The following TEAD1 variants were observed in gnomAD, a reference collection of about 807,000 sequenced individuals.
TEAD1 encodes TEA domain transcription factor 1.
Under a neutral mutation model 54.9 loss-of-function variants are expected in TEAD1, and 9 were observed. The ratio of observed to expected loss-of-function variants is 0.16; its 90% CI spans 0.10 to 0.29. The LOEUF is 0.29. Among genes scored for constraint, TEAD1 ranks in the 10% least tolerant of loss-of-function variants. The probability of loss-of-function intolerance (pLI) is 1.00; values close to 1 mark genes in which losing one functional copy is unlikely to be tolerated. For synonymous variants in TEAD1, 200 were observed against 187.8 expected, an observed-to-expected ratio of 1.07 and a Z score of -0.53; for missense variants, 387 against 535.9, an observed-to-expected ratio of 0.72 and a Z score of 2.74.
At position 12,941,581 on chromosome 11, in the gene TEAD1, C is replaced by T. The variant is rs1015340644; in HGVS notation, c.*4359C>T. ...GTATAATTTTGTATATGCTCTGGTA[C>T]ACTACCTGAACTAACGAAGGGTAGA... On this transcript the variant is annotated 3_prime_UTR_variant, in exon 13 of 13. Coordinates refer to ENST00000527636, the MANE Select transcript of TEAD1 (RefSeq NM_021961.6). 3 of 152,746 alleles carry T rather than the reference C, an allele frequency of 2.0e-5. No homozygotes were observed. In the South Asian group the frequency reaches 6.2e-4, roughly 32 times the overall value. The allele number at this position is 152,746 out of a possible 1,614,324, so 9.5% of individuals were successfully genotyped here.
At chr11:12,935,003 T>C (rs1949073713) in intron 12 of TEAD1, among the ~76,000 whole-genome samples, 1 of 152,092 alleles carries the variant, frequency 6.6e-6, no homozygotes, top group African/African-American at 2.4e-5. Context: ...TTACTAAGAA[T>C]AGGGGTATCC....
At chr11:12,901,791 C>T in intron 9 of TEAD1, 149 bp from the exon 10 acceptor site, 3 of 873,940 alleles carry the variant, frequency 3.4e-6, no homozygotes, top group Non-Finnish European at 5.7e-6. Flanking sequence ...CTTTTCTAAA[C>T]ATACTCATCA....
At chr11:12,691,771 G>A (rs1943462534) in intron 2 of TEAD1, among the ~76,000 whole-genome samples, 1 of 152,080 alleles carries the variant, frequency 6.6e-6, no homozygotes, top group African/African-American at 2.4e-5. Flanking sequence ...TACATAACCA[G>A]GACATGAGAG....
intron 2 of TEAD1, among the ~76,000 whole-genome samples, chr11:12,735,496 C>T (rs916364493): frequency 1.3e-5 from 2 of 152,078 alleles, no homozygotes; most frequent in African/African-American, 2.4e-5. Flanking sequence ...GTGTCATGCT[C>T]CCTACCAAAC....
chr11:12,877,125 C>T (rs929344992), intron 5 of TEAD1, among the ~76,000 whole-genome samples: 4 of 152,142 alleles, frequency 2.6e-5, no homozygotes, highest in Non-Finnish European at 4.4e-5. Flanking sequence ...AGCCCCAAGT[C>T]GAAGAACTGC....
At chr11:12,908,910 T>G in intron 10 of TEAD1, among the ~76,000 whole-genome samples, 1 of 143,326 alleles carries the variant, frequency 7.0e-6, no homozygotes, top group Admixed American at 7.0e-5. Context: ...ACAGTGTTGC[T>G]CTGCTGCCCA....
intron 2 of TEAD1, among the ~76,000 whole-genome samples, chr11:12,730,944 C>T (rs1340174845): frequency 1.3e-5 from 2 of 151,876 alleles, no homozygotes; most frequent in Non-Finnish European, 2.9e-5. Flanking sequence ...TCAAGTGATC[C>T]GCCCGCCTCG....
chr11:12,838,780 C>T (rs1019427830), intron 3 of TEAD1, among the ~76,000 whole-genome samples: 1 of 152,150 alleles, frequency 6.6e-6, no homozygotes, highest in Admixed American at 6.5e-5. Context: ...ATTTCTGATT[C>T]TCTAATATTA....
chr11:12,936,386 C>T (rs755269627), intron 12 of TEAD1, among the ~76,000 whole-genome samples: 1 of 152,156 alleles, frequency 6.6e-6, no homozygotes, highest in Non-Finnish European at 1.5e-5. Context: ...GAATGTCATT[C>T]CACAGGATTC....
chr11:12,816,960 GT>G (rs551179618), intron 3 of TEAD1, among the ~76,000 whole-genome samples: 177 of 152,276 alleles, frequency 1.2e-3, no homozygotes, highest in African/African-American at 3.9e-3. Flanking sequence ...TTGGAATAGT[GT>G]TTCTTTCCAT....
chr11:12,881,404 CA>C (rs751523425), intron 7 of TEAD1, among the ~76,000 whole-genome samples: 1 of 152,186 alleles, frequency 6.6e-6, no homozygotes, highest in Non-Finnish European at 1.5e-5. Context: ...TCATTCTAGC[CA>C]GCCCTGTAGT....
intron 2 of TEAD1, among the ~76,000 whole-genome samples, chr11:12,680,220 TA>T (rs1943188437): frequency 6.6e-6 from 1 of 152,220 alleles, no homozygotes; most frequent in South Asian, 2.1e-4. Flanking sequence ...CTGTATCCCT[TA>T]ATTTTTCTTT....
At chr11:12,801,726 T>C (rs1211777359) in intron 3 of TEAD1, among the ~76,000 whole-genome samples, 1 of 152,238 alleles carries the variant, frequency 6.6e-6, no homozygotes, top group Non-Finnish European at 1.5e-5. Flanking sequence ...TTTATGTGCA[T>C]TGTCGCCACA....
At chr11:12,705,499 C>G (rs969618671) in intron 2 of TEAD1, among the ~76,000 whole-genome samples, 13 of 152,102 alleles carry the variant, frequency 8.5e-5, no homozygotes, top group African/African-American at 3.1e-4. Flanking sequence ...GCACCTGTCA[C>G]CATTCTGCTT....
chr11:12,682,890 A>G (rs1000517976), intron 2 of TEAD1, among the ~76,000 whole-genome samples: 1 of 152,214 alleles, frequency 6.6e-6, no homozygotes, highest in Non-Finnish European at 1.5e-5. Flanking sequence ...CATTTTTAAC[A>G]TGCTTGAACA....
chr11:12,684,766 C>T (rs959074657), intron 2 of TEAD1, among the ~76,000 whole-genome samples: 2 of 152,236 alleles, frequency 1.3e-5, no homozygotes, highest in Non-Finnish European at 2.9e-5. Context: ...GTACTGCAAG[C>T]TCCAGAGATA....
chr11:12,850,896 A>G (rs943968671), intron 3 of TEAD1, among the ~76,000 whole-genome samples: 6 of 152,214 alleles, frequency 3.9e-5, no homozygotes, highest in South Asian at 2.1e-4. Flanking sequence ...GGTATAGGGC[A>G]TGAAGAAGCA....
intron 2 of TEAD1, among the ~76,000 whole-genome samples, chr11:12,729,798 C>G (rs1367565238): frequency 1.3e-5 from 2 of 152,188 alleles, no homozygotes. Flanking sequence ...CTGAAATGCC[C>G]TCACGATAGA....
chr11:12,731,939 T>C (rs1739068891), intron 2 of TEAD1, among the ~76,000 whole-genome samples: 1 of 152,222 alleles, frequency 6.6e-6, no homozygotes, highest in African/African-American at 2.4e-5. Flanking sequence ...TTCCTTACCC[T>C]GAATGCCACA....
Sources: gnomAD v4.1 joint callset for allele counts (sites outside exome capture counted in the v4.1 genomes callset) on GRCh38, gnomAD v4.1.1 for gene constraint, MANE v1.5 for transcripts, NCBI Gene and HGNC (gene_info 2026-07-23, HGNC 2026-07-21) for gene names.